NUP43: variants seen among roughly 807,000 people sequenced by gnomAD.
NUP43 encodes the protein nucleoporin Nup43.
Under a neutral mutation model 47.3 loss-of-function variants are expected in NUP43, and 32 were observed. The observed-to-expected ratio is 0.68, with a 90% CI of 0.51 to 0.91. The LOEUF (loss-of-function observed/expected upper bound fraction) is 0.91, where lower values mean the gene tolerates loss of function less well. NUP43 is among the 40% of genes least tolerant of loss of function. The pLI, the probability that NUP43 is intolerant of heterozygous loss-of-function variation, is 0.00. For synonymous variants in NUP43, 147 were observed against 158.4 expected (o/e 0.93, Z 0.54); for missense variants, 444 against 453.9 (o/e 0.98, Z 0.20).
intron 2 of NUP43, among the ~76,000 whole-genome samples, chr6:149,744,953 C>G (rs1464773302): frequency 6.7e-6 from 1 of 149,058 alleles, no homozygotes; most frequent in Non-Finnish European, 1.5e-5. Flanking sequence ...CTCTTGTTGC[C>G]CAAGCTGGCG....
chr6:149,729,572 T>C (rs1784933529), intron 7 of NUP43: 2 of 966,602 alleles, frequency 2.1e-6, no homozygotes, highest in African/African-American at 3.5e-5. Context: ...GCAGGGGTAC[T>C]AACAATTACT....
chr6:149,728,134 T>C (rs1473498851), intron 7 of NUP43: 12 of 985,264 alleles, frequency 1.2e-5, no homozygotes, highest in African/African-American at 1.7e-5. Context: ...ATTAATTTAC[T>C]ACTTTATAAC....
upstream of NUP43, among the ~76,000 whole-genome samples, chr6:149,748,536 G>A (rs1429215952): frequency 6.6e-6 from 1 of 151,716 alleles, no homozygotes; most frequent in Non-Finnish European, 1.5e-5. Context: ...GAGGCCGGGC[G>A]CTGTGGCTCA....
At chr6:149,739,298 T>G (rs1785526265) in intron 4 of NUP43, among the ~76,000 whole-genome samples, 1 of 151,918 alleles carries the variant, frequency 6.6e-6, no homozygotes, top group Non-Finnish European at 1.5e-5. Flanking sequence ...TTTTTCTTTT[T>G]GTTTTTTGAG....
In NUP43 at chr6:149,745,985, C is replaced by A; in HGVS notation, c.198G>T (p.Gln66His). 1 of 1,613,558 alleles carries A rather than the reference C, an allele frequency of 6.2e-7. No individual in the cohort carries two copies. Among genetic ancestry groups the A allele is most frequent in the Non-Finnish European group, 8.5e-7 (1 of 1,179,566 alleles). The change falls in exon 2 of 8, where the codon CAG (glutamine) becomes CAT (histidine). Residue 66 changes from glutamine to histidine, a missense_variant. Coordinates refer to ENST00000340413, the MANE Select transcript of NUP43 (RefSeq NM_198887.3). Reference sequence around the variant, plus strand: ...CATGGTGTCTGATATCACACAATAACTGATGGTCTCCTTCAAACCCTCCAT... The same window carrying A: ...CATGGTGTCTGATATCACACAATAAATGATGGTCTCCTTCAAACCCTCCAT... ...DSDGGFEGDH[Q>H]LLCDIRHHGD...
At chr6:149,748,699 C>A, upstream of NUP43, among the ~76,000 whole-genome samples, 1 of 151,100 alleles carries the variant, frequency 6.6e-6, no homozygotes, top group East Asian at 1.9e-4. Flanking sequence ...GTCCCAGCTA[C>A]TCGGGAGGCT....
intron 6 of NUP43, among the ~76,000 whole-genome samples, chr6:149,734,257 C>T (rs1050984962): frequency 1.3e-5 from 2 of 152,034 alleles, no homozygotes; most frequent in East Asian, 3.9e-4. Context: ...ATCACTTGAC[C>T]CCAGGAGGTT....
In NUP43 at chr6:149,735,619, A is replaced by AAAAAC. The variant is rs1338322318; in HGVS notation, c.790+851_790+852insGTTTT. ...TCTCCAAAAAAAAAAAAAAAAAAAAAACACACACAGAGATAAATATCTAAG... is the reference window on the plus strand; with the variant it reads ...TCTCCAAAAAAAAAAAAAAAAAAAAAAAAACACACACACAGAGATAAATATCTAAG... On this transcript the variant is annotated intron_variant, in intron 6 of 7. Transcript: ENST00000340413. Among the ~76,000 whole-genome samples the AAAAAC allele has an allele frequency of 3.1e-4, 46 of 150,396 alleles. 1 individual carries two copies. Among genetic ancestry groups the AAAAAC allele is most frequent in the African/African-American group, 8.8e-4 (36 of 40,966 alleles).
At chr6:149,729,502 A>C (rs557133959) in intron 7 of NUP43, 2 of 984,366 alleles carry the variant, frequency 2.0e-6, no homozygotes, top group African/African-American at 1.7e-5. Flanking sequence ...AGCCTGGTTG[A>C]GGGAGCGCCT....
intron 7 of NUP43, chr6:149,729,391 C>T (rs1221846094): frequency 3.5e-6 from 1 of 283,274 alleles, no homozygotes; most frequent in Admixed American, 6.5e-5. Flanking sequence ...CCAGATGGGC[C>T]TTGCCAATAG....
rs150059607 is a variant in NUP43 at position 149,739,899 on chromosome 6, G to C, written c.503-1121C>G. Among the ~76,000 whole-genome samples the C allele has an allele frequency of 2.0e-4, 30 of 152,200 alleles. No individual in the cohort carries two copies. The East Asian group carries it at 5.6e-3, about 28-fold the overall frequency. ...CTTTTTGTTGATTTCCTAGTGTTTAGAACTTATGCCTCATAATTTAACATA... is the reference window on the plus strand; with the variant it reads ...CTTTTTGTTGATTTCCTAGTGTTTACAACTTATGCCTCATAATTTAACATA... On this transcript the variant is annotated intron_variant, in intron 4 of 7. Coordinates refer to ENST00000340413, the MANE Select transcript of NUP43 (RefSeq NM_198887.3).
At chr6:149,744,276 A>G (rs1785839738) in intron 2 of NUP43, among the ~76,000 whole-genome samples, 1 of 152,220 alleles carries the variant, frequency 6.6e-6, no homozygotes, top group Admixed American at 6.5e-5. Flanking sequence ...CTGTAATCCC[A>G]GCACTTTGGG....
intron 6 of NUP43, among the ~76,000 whole-genome samples, chr6:149,732,396 A>T (rs1220079953): frequency 6.6e-6 from 1 of 150,854 alleles, no homozygotes; most frequent in Non-Finnish European, 1.5e-5. Flanking sequence ...AAATACTAAA[A>T]ATTAGCCAGG....
chr6:149,735,598 C>T (rs1177930172), intron 6 of NUP43, among the ~76,000 whole-genome samples: 1 of 51,310 alleles, frequency 1.9e-5, no homozygotes, highest in Non-Finnish European at 3.4e-5. Flanking sequence ...ACCCTGTCTC[C>T]AAAAAAAAAA....
chr6:149,736,596 C>A lies in NUP43; in HGVS notation c.665G>T (p.Cys222Phe). The A allele has an allele frequency of 6.3e-7, 1 of 1,598,286 alleles. No homozygotes were observed. Among genetic ancestry groups the A allele is most frequent in the South Asian group, 1.1e-5 (1 of 90,298 alleles). The change falls in exon 6 of 8, where the codon TGT (cysteine) becomes TTT (phenylalanine). Residue 222 changes from cysteine (C) to phenylalanine (F), a missense_variant. By Grantham distance (205) the Cys-to-Phe change is radical. Transcript: ENST00000340413. ...SLTGDRVPLH[C>F]VDRHPNQQHV... ...CTGTTGGTTGGGATGTCTATCAACA[C>A]AGTGGAGTGGCACTCGGTCACCAGT...
intron 4 of NUP43, among the ~76,000 whole-genome samples, chr6:149,740,909 A>AC (rs1486434949): frequency 6.6e-6 from 1 of 151,978 alleles, no homozygotes; most frequent in Non-Finnish European, 1.5e-5. Flanking sequence ...GTCAAACTAT[A>AC]CTTTTTGTCA....
chr6:149,736,720 C>G (rs1417556794), intron 5 of NUP43, 98 bp from the exon 6 acceptor site: 2 of 1,020,110 alleles, frequency 2.0e-6, no homozygotes, highest in East Asian at 2.5e-5. Flanking sequence ...TGAGACAAGG[C>G]CTCACTTACC....
chr6:149,732,611 C>T (rs1346767513), intron 6 of NUP43, among the ~76,000 whole-genome samples: 1 of 151,466 alleles, frequency 6.6e-6, no homozygotes, highest in Non-Finnish European at 1.5e-5. Flanking sequence ...TTTGGGAGGC[C>T]GAGGTGAGTG....
intron 4 of NUP43, among the ~76,000 whole-genome samples, chr6:149,741,816 G>A (rs1785672012): frequency 6.6e-6 from 1 of 151,806 alleles, no homozygotes; most frequent in Non-Finnish European, 1.5e-5. Flanking sequence ...TATTTACTTA[G>A]TATATGGTAA....
Sources: gnomAD v4.1 joint callset for allele counts (sites outside exome capture counted in the v4.1 genomes callset) on GRCh38, gnomAD v4.1.1 for gene constraint, MANE v1.5 for transcripts, NCBI Gene and HGNC (gene_info 2026-07-23, HGNC 2026-07-21) for gene names.